The following PDE3B variants were observed in gnomAD, a reference collection of about 807,000 sequenced individuals.
The protein encoded by PDE3B is phosphodiesterase 3B, also known as cGMP-inhibited 3',5'-cyclic phosphodiesterase 3B.
PDE3B carries 66 observed loss-of-function variants against 116.8 expected under a neutral mutation model. The ratio of observed to expected loss-of-function variants is 0.56; its 90% confidence interval spans 0.46 to 0.69. The LOEUF (loss-of-function observed/expected upper bound fraction) is 0.69. Among genes scored for constraint, PDE3B ranks in the 30% least tolerant of loss-of-function variants. PDE3B has a pLI of 0.00. For synonymous variants in PDE3B, 595 were observed against 533.6 expected, an observed-to-expected ratio of 1.12 and a Z score of -1.59; for missense variants, 1,384 against 1,368.1, an observed-to-expected ratio of 1.01 and a Z score of -0.18.
chr11:14,715,319 G>A (rs1471199421), intron 1 of PDE3B, among the ~76,000 whole-genome samples: 1 of 152,204 alleles, frequency 6.6e-6, no homozygotes, highest in Non-Finnish European at 1.5e-5. Context: ...AGCTTGATGG[G>A]GATGGCATTG....
At chr11:14,675,410 A>G (rs746956371) in intron 1 of PDE3B, among the ~76,000 whole-genome samples, 9 of 152,118 alleles carry the variant, frequency 5.9e-5, no homozygotes, top group Non-Finnish European at 1.0e-4. Flanking sequence ...TACATATAAT[A>G]AAATGCATGG....
chr11:14,790,897 G>T (rs1858362279), intron 4 of PDE3B, among the ~76,000 whole-genome samples: 1 of 152,012 alleles, frequency 6.6e-6, no homozygotes, highest in South Asian at 2.1e-4. Context: ...TTCCTTTTCA[G>T]ATTCAAATCT....
chr11:14,855,879 C>T (rs1334653848), intron 12 of PDE3B, among the ~76,000 whole-genome samples: 1 of 152,208 alleles, frequency 6.6e-6, no homozygotes, highest in Non-Finnish European at 1.5e-5. Flanking sequence ...TGATTTTAAA[C>T]AGTCATATCT....
At chr11:14,843,570 G>A (rs1847520272) in intron 11 of PDE3B, among the ~76,000 whole-genome samples, 1 of 152,150 alleles carries the variant, frequency 6.6e-6, no homozygotes, top group Non-Finnish European at 1.5e-5. Context: ...ATTTGCCTGA[G>A]TAAGCATCAA....
intron 1 of PDE3B, among the ~76,000 whole-genome samples, chr11:14,752,065 G>T (rs1857070827): frequency 6.6e-6 from 1 of 152,186 alleles, no homozygotes; most frequent in East Asian, 1.9e-4. Context: ...TGGGTTATCA[G>T]TGGTACTTGC....
At chr11:14,891,648 T>A in the PDE3B span, 1 of 1,149,538 alleles carries the variant, frequency 8.7e-7, no homozygotes, top group Non-Finnish European at 1.1e-6. Flanking sequence ...GCGTCCACCC[T>A]GGACCTGAAG....
At chr11:14,762,026 G>A (rs1370803196) in intron 1 of PDE3B, among the ~76,000 whole-genome samples, 2 of 152,094 alleles carry the variant, frequency 1.3e-5, no homozygotes, top group African/African-American at 2.4e-5. Context: ...AGACAAGTCA[G>A]CTGGGTGTGG....
chr11:14,868,232 T>C (rs1163413300), intron 15 of PDE3B, among the ~76,000 whole-genome samples: 6 of 152,212 alleles, frequency 3.9e-5, no homozygotes, highest in Admixed American at 3.9e-4. Context: ...CAGCCAGTAC[T>C]CTTCACAGTA....
chr11:14,813,154 A>T (rs948430677), intron 5 of PDE3B, among the ~76,000 whole-genome samples: 1 of 152,180 alleles, frequency 6.6e-6, no homozygotes, highest in Admixed American at 6.5e-5. Flanking sequence ...TGTTATAGCA[A>T]TCCAAAGGGA....
intron 12 of PDE3B, among the ~76,000 whole-genome samples, chr11:14,850,744 A>G (rs2133981908): frequency 6.6e-6 from 1 of 152,164 alleles, no homozygotes; most frequent in East Asian, 1.9e-4. Flanking sequence ...ATTTGCATGA[A>G]AGAGGCAAGA....
intron 11 of PDE3B, among the ~76,000 whole-genome samples, chr11:14,841,178 A>G (rs977513730): frequency 6.6e-6 from 1 of 151,844 alleles, no homozygotes; most frequent in Non-Finnish European, 1.5e-5. Context: ...CTCTGAGCAA[A>G]CAGGAATTCC....
chr11:14,672,085 G>T (rs1184143116), intron 1 of PDE3B, among the ~76,000 whole-genome samples: 1 of 147,246 alleles, frequency 6.8e-6, no homozygotes, highest in Non-Finnish European at 1.5e-5. Flanking sequence ...GTGTTTACCA[G>T]ATACTAGTGT....
At chr11:14,891,629 TG>T in the PDE3B span, 1 of 1,094,182 alleles carries the variant, frequency 9.1e-7, no homozygotes, top group Non-Finnish European at 1.1e-6. Context: ...CGCCCGCACC[TG>T]AGGGCATGCG....
chr11:14,694,741 A>G (rs1190306463), intron 1 of PDE3B, among the ~76,000 whole-genome samples: 1 of 152,164 alleles, frequency 6.6e-6, no homozygotes, highest in Non-Finnish European at 1.5e-5. Context: ...AACCACATTT[A>G]CAGTATCTCC....
rs906324142 is a variant in PDE3B, at chr11:14,817,443, G to GA, written c.1523-731dup. 6.6e-5 allele frequency among the ~76,000 whole-genome samples: 10 copies of GA among 150,670 alleles called. No individual in the cohort carries two copies. In the South Asian group the frequency reaches 1.3e-3, roughly 19 times the overall value. The stretch of plus-strand genomic sequence containing the variant: ...TAGAACTTAAAGTATAATTAAAAAA[G>GA]AAAAAAAAAGAATTTTAGTTCTTTG... On this transcript the variant is annotated intron_variant, in intron 5 of 15. Coordinates refer to ENST00000282096, the MANE Select transcript of PDE3B (RefSeq NM_000922.4).
chr11:14,770,106 G>C (rs751093027), intron 1 of PDE3B, among the ~76,000 whole-genome samples: 1 of 151,320 alleles, frequency 6.6e-6, no homozygotes, highest in Non-Finnish European at 1.5e-5. Context: ...TGGGAAAAGT[G>C]TAGAAATGTG....
intron 10 of PDE3B, among the ~76,000 whole-genome samples, 198 bp downstream of exon 10, chr11:14,833,031 A>G (rs1481171847): frequency 6.6e-6 from 1 of 151,426 alleles, no homozygotes; most frequent in East Asian, 1.9e-4. Context: ...GCCCACTGCA[A>G]CCTCCGCCCC....
chr11:14,795,111 G>A (rs1858511907), intron 4 of PDE3B, among the ~76,000 whole-genome samples: 1 of 152,170 alleles, frequency 6.6e-6, no homozygotes, highest in Non-Finnish European at 1.5e-5. Context: ...TTGGCCATTG[G>A]TGAGCAATTT....
At chr11:14,656,709 A>G (rs910105254) in intron 1 of PDE3B, among the ~76,000 whole-genome samples, 2 of 152,240 alleles carry the variant, frequency 1.3e-5, no homozygotes, top group Non-Finnish European at 2.9e-5. Flanking sequence ...ATAACCTGTA[A>G]GTTCTTGGAA....
Sources: allele counts gnomAD v4.1 joint callset (sites outside exome capture counted in the v4.1 genomes callset), GRCh38; gene constraint gnomAD v4.1.1; transcripts MANE v1.5; gene names NCBI Gene and HGNC (gene_info 2026-07-23, HGNC 2026-07-21).